The following ZFP64 variants were observed in gnomAD, a reference collection of about 807,000 sequenced individuals.
ZFP64 encodes the protein zinc finger protein 64.
ZFP64 carries 14 observed loss-of-function variants against 51.6 expected under a neutral mutation model. That is an observed-to-expected ratio of 0.27 (90% CI 0.18 to 0.42). The LOEUF (loss-of-function observed/expected upper bound fraction) is 0.42, where lower values mean the gene tolerates loss of function less well. Among genes scored for constraint, ZFP64 ranks in the 10% least tolerant of loss-of-function variants. The pLI is 1.00. For missense variants in ZFP64, 754 were observed against 906.8 expected, an observed-to-expected ratio of 0.83 and a Z score of 2.16; for synonymous variants, 375 against 361.4, an observed-to-expected ratio of 1.04 and a Z score of -0.43.
At chr20:52,140,717 G>A (rs998034814) in intron 5 of ZFP64, among the ~76,000 whole-genome samples, 2 of 152,158 alleles carry the variant, frequency 1.3e-5, no homozygotes, top group African/African-American at 4.8e-5. Context: ...TTACCCAGAA[G>A]ATCCAGCTAA....
chr20:52,132,414 A>G (rs1472120515), intron 5 of ZFP64, among the ~76,000 whole-genome samples: 3 of 152,026 alleles, frequency 2.0e-5, no homozygotes, highest in South Asian at 2.1e-4. Context: ...CAAAAGGTCA[A>G]TGAAAAAAAG....
chr20:52,133,269 G>A (rs146474740), intron 5 of ZFP64, among the ~76,000 whole-genome samples: 4 of 152,230 alleles, frequency 2.6e-5, no homozygotes, highest in African/African-American at 9.6e-5. Flanking sequence ...GGGAAAAACT[G>A]AAAGATTTTC....
rs1052474301 is a variant in ZFP64 at position 52,153,336 on chromosome 20, G to C, written c.856C>G (p.Pro286Ala). 2 of 1,614,082 alleles carry C rather than the reference G, an allele frequency of 1.2e-6. No individual in the cohort carries two copies. Among genetic ancestry groups the C allele is most frequent in the African/African-American group, 1.3e-5 (1 of 74,934 alleles). The change falls in exon 6 of 6, where the codon CCT becomes GCT. Residue 286 changes from proline (P) to alanine (A), a missense_variant. This residue lies in a region of ZFP64 where 231 missense variants were observed against 336.7 expected (regional missense o/e 0.69). Coordinates refer to ENST00000216923, the MANE Select transcript of ZFP64 (RefSeq NM_018197.3). The surrounding 1 kb of genome is among the most constrained non-coding windows in gnomAD (Gnocchi z 5.1). ...RHMRVHSGEK[P>A]FKCEFCNVRC... ...ACATTGCAGAACTCGCACTTGAAAG[G>C]CTTCTCCCCCGAGTGCACCCGCATG...
Position 52,189,175 on chromosome 20 carries a change from T to C in ZFP64, c.47-2104A>G, listed in dbSNP as rs1490803725. 2.6e-5 allele frequency among the ~76,000 whole-genome samples: 4 copies of C among 151,880 alleles called. No individual in the cohort carries two copies. The East Asian group carries it at 7.9e-4, about 30-fold the overall frequency. The stretch of plus-strand genomic sequence containing the variant: ...CAGCACTTTGGGAAGCCGAGATGGG[T>C]GGATCACAACAAGAGATCAAGACTA... On this transcript the variant is annotated intron_variant, in intron 1 of 5. Coordinates refer to ENST00000216923, the MANE Select transcript of ZFP64 (RefSeq NM_018197.3).
chr20:52,153,537 C>A lies in ZFP64; in HGVS notation c.764-109G>T, dbSNP rs1294751708. The A allele has an allele frequency of 2.1e-6, 3 of 1,429,636 alleles. No homozygotes were observed. The highest frequency in any genetic ancestry group is 2.8e-6 in the Non-Finnish European group (3 of 1,085,544). 88.6% of individuals were successfully genotyped at this position (1,429,636 alleles called of 1,614,324 possible). On this transcript the variant is annotated intron_variant, in intron 5 of 5. Transcript: ENST00000216923. The surrounding 1 kb of genome is among the most constrained non-coding windows in gnomAD (Gnocchi z 5.1). The stretch of plus-strand genomic sequence containing the variant: ...TTATACAAGGTGGGTGGGTGCAGAC[C>A]TCCTAACTGCAGCTTCTAGCAGCCC...
chr20:52,114,508 T>G (rs1342894036), intron 5 of ZFP64, among the ~76,000 whole-genome samples: 1 of 152,186 alleles, frequency 6.6e-6, no homozygotes. Context: ...GAAGGGATGT[T>G]CCATCTTACT....
intron 5 of ZFP64, among the ~76,000 whole-genome samples, chr20:52,108,861 AACAC>A (rs57127987): frequency 0.2 from 27,953 of 139,566 alleles, 3,019 homozygotes; most frequent in Admixed American, 0.28. Context: ...GAAAATCTGA[AACAC>A]ACACACACAC....
At chr20:52,094,895 G>T (rs1375176204) in intron 7 of ZFP64, among the ~76,000 whole-genome samples, 2 of 152,116 alleles carry the variant, frequency 1.3e-5, no homozygotes, top group Admixed American at 6.6e-5. Context: ...AATCCCAGGG[G>T]TTCTAACCCT....
intron 7 of ZFP64, chr20:52,097,085 T>G (rs369543152): frequency 4.2e-5 from 30 of 715,610 alleles, no homozygotes; most frequent in Non-Finnish European, 7.6e-5. Flanking sequence ...CAGCAGGTCT[T>G]ATTTCTCTTC....
intron 5 of ZFP64, among the ~76,000 whole-genome samples, chr20:52,158,760 G>A (rs946426189): frequency 3.9e-5 from 6 of 152,108 alleles, no homozygotes; most frequent in Non-Finnish European, 8.8e-5. Context: ...CTGCATCCCC[G>A]ACCTTTGCCA....
intron 7 of ZFP64, among the ~76,000 whole-genome samples, chr20:52,093,133 T>TA (rs1185373631): frequency 6.6e-6 from 1 of 150,768 alleles, no homozygotes; most frequent in Non-Finnish European, 1.5e-5. Flanking sequence ...ATCAGGAGAT[T>TA]AAAAAAAAAA....
intron 4 of ZFP64, among the ~76,000 whole-genome samples, chr20:52,161,014 G>A (rs1355083537): frequency 6.6e-6 from 1 of 152,114 alleles, no homozygotes; most frequent in African/African-American, 2.4e-5. Flanking sequence ...GTGAGGGCAG[G>A]TGAGTGAGCA....
exon 9 of ZFP64, chr20:52,084,975 G>A (rs866745055): frequency 3.1e-6 from 5 of 1,613,844 alleles, no homozygotes; most frequent in Middle Eastern, 1.6e-4. Context: ...CAGGGCGGCC[G>A]CGCTGGAGCA....
intron 2 of ZFP64, chr20:52,175,857 C>CCCCGG: frequency 1.9e-4 from 72 of 376,016 alleles, no homozygotes; most frequent in Middle Eastern, 1.4e-3. Context: ...CCCGCACCCC[C>CCCCGG]GCTGCCGCCC....
intron 5 of ZFP64, among the ~76,000 whole-genome samples, chr20:52,121,186 C>T (rs1979173624): frequency 6.6e-6 from 1 of 152,120 alleles, no homozygotes; most frequent in African/African-American, 2.4e-5. Flanking sequence ...CCACAGTGAC[C>T]TATAAGTGTT....
At chr20:52,127,836 T>TACAGC (rs1309790952) in intron 5 of ZFP64, among the ~76,000 whole-genome samples, 1 of 152,228 alleles carries the variant, frequency 6.6e-6, no homozygotes, top group Non-Finnish European at 1.5e-5. Flanking sequence ...GAACACTGTC[T>TACAGC]ACAGCAACTC....
chr20:52,112,228 A>G (rs1302447838), intron 5 of ZFP64, among the ~76,000 whole-genome samples: 3 of 152,176 alleles, frequency 2.0e-5, no homozygotes, highest in African/African-American at 7.2e-5. Flanking sequence ...CTTGAGGATT[A>G]GTGAATTTAT....
rs971650872 is a variant in ZFP64, at chr20:52,112,094, A to C, written c.764-13507T>G. 5.3e-4 allele frequency among the ~76,000 whole-genome samples: 73 copies of C among 138,368 alleles called. 1 individual carries two copies. Among genetic ancestry groups the C allele is most frequent in the East Asian group, 1.8e-3 (9 of 5,094 alleles). 90.8% of individuals were successfully genotyped at this position (138,368 alleles called of 152,430 possible). A position where few individuals can be genotyped will look rare whatever the true frequency, so the allele number is the denominator to read the frequency against. On this transcript the variant is annotated intron_variant, in intron 5 of 8. Coordinates refer to the ZFP64 transcript ENST00000361387. ...GAGACTCTATCTCCAAAAAAAAAAA[A>C]AAAAAACAAAAAAAAAACAAGAATC...
chr20:52,123,340 A>G (rs1979287988), intron 5 of ZFP64, among the ~76,000 whole-genome samples: 2 of 152,224 alleles, frequency 1.3e-5, no homozygotes, highest in Admixed American at 6.5e-5. Flanking sequence ...GTTCTATTGC[A>G]GTTAAAATGC....
Sources: allele counts gnomAD v4.1 joint callset (sites outside exome capture counted in the v4.1 genomes callset), GRCh38; gene constraint gnomAD v4.1.1; regional missense constraint gnomAD v4.1.1; non-coding constraint Gnocchi (gnomAD v3.1); transcripts MANE v1.5; gene names NCBI Gene and HGNC (gene_info 2026-07-23, HGNC 2026-07-21).